Variants in PSMD12 observed in about 807,000 individuals in gnomAD.
PSMD12 encodes proteasome 26S subunit, non-ATPase 12.
PSMD12 carries 8 observed loss-of-function variants against 62.9 expected under a neutral mutation model. That is an observed-to-expected ratio of 0.13 (90% confidence interval 0.07 to 0.23). PSMD12 has a LOEUF of 0.23. Ranked by LOEUF, PSMD12 falls within the 10% of genes least tolerant of loss-of-function variation. PSMD12 has a pLI of 1.00. For synonymous variants in PSMD12, 173 were observed against 187.4 expected, an observed-to-expected ratio of 0.92 and a Z score of 0.63; for missense variants, 424 against 550.2, an observed-to-expected ratio of 0.77 and a Z score of 2.29.
chr17:67,347,277 G>A (rs774227891), intron 6 of PSMD12, 27 bp from the exon 7 acceptor site: 1 of 1,612,168 alleles, frequency 6.2e-7, no homozygotes, highest in Non-Finnish European at 8.5e-7. Context: ...AAAACAAATT[G>A]GGGTTTATGG....
rs1423303951 is a variant in PSMD12 at position 67,337,939 on chromosome 17, T to A, written c.*2904A>T. On this transcript the variant is annotated 3_prime_UTR_variant, in exon 11 of 11. Transcript: ENST00000356126. ...AGTGATCTTTTAAAGTATGAGTTTA[T>A]TCTCCAGGTTTTCTTAAATACCCAC... 1 of 152,234 alleles carries A rather than the reference T, an allele frequency of 6.6e-6. No individual in the cohort carries two copies. The highest frequency in any genetic ancestry group is 1.5e-5 in the Non-Finnish European group (1 of 68,042). 9.4% of individuals were successfully genotyped at this position (152,234 alleles called of 1,614,324 possible).
chr17:67,342,691 CT>C (rs1276896656), intron 9 of PSMD12, among the ~76,000 whole-genome samples: 2 of 152,012 alleles, frequency 1.3e-5, no homozygotes, highest in Non-Finnish European at 2.9e-5. Context: ...AATCCCAGCA[CT>C]TTGGGAGGCT....
At chr17:67,351,392 A>AAAAAATAAT in intron 3 of PSMD12, among the ~76,000 whole-genome samples, 1 of 140,140 alleles carries the variant, frequency 7.1e-6, no homozygotes, top group East Asian at 2.0e-4. Context: ...ACTTGTCTCA[A>AAAAAATAAT]AATAATAATA....
intron 1 of PSMD12, among the ~76,000 whole-genome samples, chr17:67,361,687 T>A (rs866068125): frequency 6.6e-6 from 1 of 152,000 alleles, no homozygotes; most frequent in Non-Finnish European, 1.5e-5. Flanking sequence ...CTCTTTTGTT[T>A]AAGCTGTTAA....
At chr17:67,344,540 T>G in intron 9 of PSMD12, 66 bp downstream of exon 9, 2 of 1,422,758 alleles carry the variant, frequency 1.4e-6, no homozygotes, top group Non-Finnish European at 1.9e-6. Context: ...TGCCAAAATT[T>G]AATTCTAAAA....
At position 67,347,450 on chromosome 17, in the gene PSMD12, T is replaced by C. The variant is rs774460672; in HGVS notation, c.546A>G (p.Arg182=). The C allele has an allele frequency of 6.2e-7, 1 of 1,613,824 alleles. No individual in the cohort carries two copies. The highest frequency in any genetic ancestry group is 1.7e-5 in the Admixed American group (1 of 60,018). ...TCATTTGCTCCAAAATAAATTCCAC[T>C]CGCTCTTTCTTTTCCATTGACCCGT... ...ETYGSMEKKE[R]VEFILEQMRL... Residue 182 remains arginine, a synonymous_variant, in exon 6 of 11, where the codon CGA becomes CGG. Coordinates refer to ENST00000356126, the MANE Select transcript of PSMD12 (RefSeq NM_002816.5).
chr17:67,355,266 A>G (rs568776772), intron 3 of PSMD12: 1 of 151,982 alleles, frequency 6.6e-6, no homozygotes, highest in African/African-American at 2.4e-5. Context: ...TAATTTTTGT[A>G]TTTTTTGTAT....
At chr17:67,345,950 T>C (rs17647947) in intron 7 of PSMD12, 93 bp from the exon 8 acceptor site, 299,004 of 1,197,174 alleles carry the variant, frequency 0.25, 40,367 homozygotes, top group South Asian at 0.34. Context: ...ATATATCCAT[T>C]TCAAATTTTA....
At chr17:67,354,694 T>A (rs1396344260) in intron 3 of PSMD12, among the ~76,000 whole-genome samples, 7 of 152,108 alleles carry the variant, frequency 4.6e-5, no homozygotes, top group Non-Finnish European at 1.5e-5. Context: ...AAGGCACATT[T>A]AAGTAAATTT....
At chr17:67,362,864 G>T (rs1415683814) in intron 1 of PSMD12, 1 of 152,106 alleles carries the variant, frequency 6.6e-6, no homozygotes, top group Non-Finnish European at 1.5e-5. Context: ...GTTGGTGTAA[G>T]ATTTAAATCA....
At chr17:67,357,279 G>C in intron 3 of PSMD12, 24 bp downstream of exon 3, 1 of 1,601,536 alleles carries the variant, frequency 6.2e-7, no homozygotes, top group East Asian at 2.2e-5. Flanking sequence ...TTTGTGTTTG[G>C]AGCAGACATG....
chr17:67,358,797 A>G (rs192998891), intron 1 of PSMD12, among the ~76,000 whole-genome samples: 19 of 152,238 alleles, frequency 1.2e-4, no homozygotes, highest in African/African-American at 4.6e-4. Context: ...ATCTGAGAAC[A>G]CCCACACATG....
chr17:67,346,340 A>G (rs2041966104), intron 7 of PSMD12, among the ~76,000 whole-genome samples: 1 of 151,506 alleles, frequency 6.6e-6, no homozygotes. Context: ...GCTTGCAGTG[A>G]GCCGAGATTG....
rs1265712796 is a variant in PSMD12, at chr17:67,357,427, G to C, written c.173C>G (p.Ser58Cys). ...LSLEKQTRTA[S>C]DMVSTSRILV... Reference sequence around the variant, plus strand: ...GATACGGGATGTCGATACCATATCGGAAGCCTGTAAGGGTAAAAATATATT... The same window carrying C: ...GATACGGGATGTCGATACCATATCGCAAGCCTGTAAGGGTAAAAATATATT... The change falls in exon 3 of 11, where the codon TCC becomes TGC. Residue 58 changes from serine (S) to cysteine (C), a missense_variant. Ser to Cys is a moderately radical substitution (Grantham distance 112). Coordinates refer to ENST00000356126, the MANE Select transcript of PSMD12 (RefSeq NM_002816.5). The C allele has an allele frequency of 6.2e-7, 1 of 1,613,662 alleles. No homozygotes were observed. The highest frequency in any genetic ancestry group is 1.1e-5 in the South Asian group (1 of 91,012).
At chr17:67,347,801 C>T (rs1460256815) in intron 5 of PSMD12, among the ~76,000 whole-genome samples, 1 of 152,170 alleles carries the variant, frequency 6.6e-6, no homozygotes, top group Admixed American at 6.5e-5. Context: ...ACTTCCCCCA[C>T]TCATAAGCCC....
Position 67,366,223 on chromosome 17 carries a change from A to G in PSMD12, c.108+189T>C, listed in dbSNP as rs1405427818. ...TGTTTTGGGGAGGGTCTGGGAAGCT[A>G]TAGGCGCTGGCGTACTCCGCAGCCC... On this transcript the variant is annotated intron_variant, in intron 1 of 10. Coordinates refer to ENST00000356126, the MANE Select transcript of PSMD12 (RefSeq NM_002816.5). 2.0e-5 allele frequency among the ~76,000 whole-genome samples: 3 copies of G among 152,218 alleles called. No individual in the cohort carries two copies. The East Asian group carries it at 5.8e-4, about 29-fold the overall frequency.
intron 4 of PSMD12, 30 bp from the exon 5 acceptor site, chr17:67,348,684 T>C (rs1430937010): frequency 6.3e-7 from 1 of 1,577,664 alleles, no homozygotes; most frequent in East Asian, 2.2e-5. Context: ...ACAATCAAAA[T>C]TCCATGGAAA....
chr17:67,342,537 G>C, intron 9 of PSMD12: 1 of 224,698 alleles, frequency 4.5e-6, no homozygotes, highest in Non-Finnish European at 8.6e-6. Context: ...CTTAACTAGT[G>C]GTTAAAAATT....
intron 1 of PSMD12, among the ~76,000 whole-genome samples, chr17:67,365,889 CA>C (rs752213263): frequency 1.3e-5 from 2 of 152,152 alleles, no homozygotes; most frequent in Non-Finnish European, 2.9e-5. Flanking sequence ...CACCACCATG[CA>C]TGACTTGACT....
Sources: allele counts gnomAD v4.1 joint callset (sites outside exome capture counted in the v4.1 genomes callset), GRCh38; gene constraint gnomAD v4.1.1; transcripts MANE v1.5; gene names NCBI Gene and HGNC (gene_info 2026-07-23, HGNC 2026-07-21).